The following CA10 variants were observed in gnomAD, a reference collection of about 807,000 sequenced individuals.
CA10 encodes the protein carbonic anhydrase-related protein 10.
Under a neutral mutation model 44.2 loss-of-function variants are expected in CA10, and 14 were observed. That is an observed-to-expected ratio of 0.32 (90% confidence interval 0.21 to 0.50). The LOEUF (loss-of-function observed/expected upper bound fraction) is 0.50. Ranked by LOEUF, CA10 falls within the 20% of genes least tolerant of loss-of-function variation. The pLI, the probability that CA10 is intolerant of heterozygous loss-of-function variation, is 0.99. For synonymous variants in CA10, 159 were observed against 141.6 expected, an observed-to-expected ratio of 1.12 and a Z score of -0.87; for missense variants, 350 against 409.7, an observed-to-expected ratio of 0.85 and a Z score of 1.26.
chr17:51,636,982 C>T (rs774288814), intron 6 of CA10, among the ~76,000 whole-genome samples: 1 of 152,048 alleles, frequency 6.6e-6, no homozygotes, highest in Admixed American at 6.6e-5. Context: ...TCATCTAAAA[C>T]TGTTACTATT....
intron 2 of CA10, among the ~76,000 whole-genome samples, chr17:52,015,040 C>T (rs1417273229): frequency 6.6e-6 from 1 of 151,840 alleles, no homozygotes; most frequent in Non-Finnish European, 1.5e-5. Flanking sequence ...TTGCAAAGGA[C>T]ACATATAGTA....
At chr17:52,157,539 G>GCC (rs35032366) in intron 1 of CA10, among the ~76,000 whole-genome samples, 187 bp downstream of exon 1, 6 of 126,490 alleles carry the variant, frequency 4.7e-5, no homozygotes, top group African/African-American at 1.8e-4. Flanking sequence ...ACCCCCCCCC[G>GCC]CAAAACACAC....
At chr17:51,983,383 G>T (rs1021481362) in intron 2 of CA10, among the ~76,000 whole-genome samples, 1 of 151,698 alleles carries the variant, frequency 6.6e-6, no homozygotes, top group Non-Finnish European at 1.5e-5. Flanking sequence ...TTTCTGATTT[G>T]TCTGATTTAT....
chr17:51,798,687 A>C (rs1335304065), intron 3 of CA10, among the ~76,000 whole-genome samples: 1 of 152,246 alleles, frequency 6.6e-6, no homozygotes, highest in Non-Finnish European at 1.5e-5. Flanking sequence ...AGTGGGAAGC[A>C]CAAGTATGGC....
At chr17:51,676,108 T>C (rs1914620523) in intron 4 of CA10, among the ~76,000 whole-genome samples, 1 of 152,184 alleles carries the variant, frequency 6.6e-6, no homozygotes, top group East Asian at 1.9e-4. Context: ...AAGTTTTAGT[T>C]TGAGTACGTG....
chr17:52,144,467 T>C (rs1003845440), intron 1 of CA10, among the ~76,000 whole-genome samples: 1 of 152,188 alleles, frequency 6.6e-6, no homozygotes, highest in Non-Finnish European at 1.5e-5. Flanking sequence ...AAATTTAAAG[T>C]GCAGTTGTAA....
intron 3 of CA10, among the ~76,000 whole-genome samples, chr17:51,918,842 T>C (rs755100988): frequency 6.6e-6 from 1 of 152,236 alleles, no homozygotes; most frequent in African/African-American, 2.4e-5. Flanking sequence ...CTAAAACATC[T>C]AACTTTTTAA....
Position 51,631,503 on chromosome 17 carries a change from G to T in CA10, c.*81C>A. 1 of 1,260,444 alleles carries T rather than the reference G, an allele frequency of 7.9e-7. No homozygotes were observed. The highest frequency in any genetic ancestry group is 1.2e-6 in the Non-Finnish European group (1 of 863,514). 78.1% of individuals were successfully genotyped at this position (1,260,444 alleles called of 1,614,324 possible). A position where few individuals can be genotyped will look rare whatever the true frequency, so the allele number is the denominator to read the frequency against. On this transcript the variant is annotated 3_prime_UTR_variant, in exon 9 of 9. Transcript: ENST00000451037. ...GCTTGGGGGAAAGAAGGAGAGAGAAGCAAGAAGGGGGACATTCTAGGTTAC... is the reference window on the plus strand; with the variant it reads ...GCTTGGGGGAAAGAAGGAGAGAGAATCAAGAAGGGGGACATTCTAGGTTAC...
At chr17:51,804,852 T>C (rs116709346) in intron 3 of CA10, among the ~76,000 whole-genome samples, 157 of 152,362 alleles carry the variant, frequency 1.0e-3, no homozygotes, top group African/African-American at 3.1e-3. Flanking sequence ...TTTTAAAGCA[T>C]AGATTTATAG....
intron 4 of CA10, among the ~76,000 whole-genome samples, chr17:51,741,767 G>A (rs1038946917): frequency 6.6e-6 from 1 of 152,158 alleles, no homozygotes; most frequent in Non-Finnish European, 1.5e-5. Flanking sequence ...AATATTTATT[G>A]ACTATCCTCA....
intron 3 of CA10, among the ~76,000 whole-genome samples, chr17:51,825,955 T>G (rs1432607755): frequency 6.6e-6 from 1 of 152,232 alleles, no homozygotes; most frequent in African/African-American, 2.4e-5. Context: ...CTCAGCGTAC[T>G]TTATTGTTCT....
intron 2 of CA10, among the ~76,000 whole-genome samples, chr17:52,007,509 T>C (rs932137581): frequency 3.3e-5 from 5 of 151,592 alleles, no homozygotes; most frequent in African/African-American, 1.2e-4. Context: ...TTTTCTTTAA[T>C]CAATGTACAG....
chr17:51,960,335 G>C (rs1452853711), intron 2 of CA10, among the ~76,000 whole-genome samples: 1 of 151,892 alleles, frequency 6.6e-6, no homozygotes, highest in East Asian at 1.9e-4. Flanking sequence ...TAAGAGATTG[G>C]TGCAGAAAAA....
Position 51,646,265 on chromosome 17 carries a change from G to A in CA10, c.634+2917C>T, listed in dbSNP as rs76145662. Among the ~76,000 whole-genome samples the A allele has an allele frequency of 7.2e-4, 110 of 152,270 alleles. 3 individuals are homozygous for A. In the East Asian group the frequency reaches 0.017, roughly 23 times the overall value. Reference sequence around the variant, plus strand: ...CAATCATACCGCTCTGAAGGACTTCGTGAGCACTAGGTAAGGAGCCTGTAT... The same window carrying A: ...CAATCATACCGCTCTGAAGGACTTCATGAGCACTAGGTAAGGAGCCTGTAT... On this transcript the variant is annotated intron_variant, in intron 6 of 8. Coordinates refer to ENST00000451037, the MANE Select transcript of CA10 (RefSeq NM_020178.5).
intron 3 of CA10, among the ~76,000 whole-genome samples, chr17:51,877,138 T>A (rs1347176106): frequency 6.6e-6 from 1 of 152,216 alleles, no homozygotes; most frequent in Non-Finnish European, 1.5e-5. Context: ...TGTTGCACAC[T>A]GCTCCATCTT....
At chr17:51,993,726 C>G (rs891800994) in intron 2 of CA10, among the ~76,000 whole-genome samples, 4 of 152,006 alleles carry the variant, frequency 2.6e-5, no homozygotes, top group Non-Finnish European at 5.9e-5. Context: ...ATTTATACAC[C>G]TCCTCTTCTC....
At chr17:52,138,588 C>A (rs1989409113) in intron 1 of CA10, among the ~76,000 whole-genome samples, 1 of 152,174 alleles carries the variant, frequency 6.6e-6, no homozygotes, top group South Asian at 2.1e-4. Flanking sequence ...AAGTGAACAG[C>A]ATGAGCAAGC....
chr17:51,887,843 C>T (rs984152589), intron 3 of CA10, among the ~76,000 whole-genome samples: 88 of 83,664 alleles, frequency 1.1e-3, no homozygotes, highest in African/African-American at 3.2e-3. Context: ...ACTAAAAATA[C>T]AAAAAAAAAA....
At chr17:51,693,570 T>C (rs1019364785) in intron 4 of CA10, among the ~76,000 whole-genome samples, 5 of 152,156 alleles carry the variant, frequency 3.3e-5, no homozygotes, top group Non-Finnish European at 2.9e-5. Flanking sequence ...TTACCTCCTA[T>C]TTATAAGTGA....
Sources: allele counts gnomAD v4.1 joint callset (sites outside exome capture counted in the v4.1 genomes callset), GRCh38; gene constraint gnomAD v4.1.1; transcripts MANE v1.5; gene names NCBI Gene and HGNC (gene_info 2026-07-23, HGNC 2026-07-21).